The following NKD2 variants were observed in gnomAD, a reference collection of about 807,000 sequenced individuals.
NKD2 encodes the protein protein naked cuticle homolog 2.
NKD2 carries 43 observed loss-of-function variants against 34.8 expected under a neutral mutation model. The ratio of observed to expected loss-of-function variants is 1.24; its 90% CI spans 0.97 to 1.60. The LOEUF (loss-of-function observed/expected upper bound fraction) is 1.60. Ranked by LOEUF, NKD2 falls within the 40% of genes most tolerant of loss-of-function variation. The pLI is 0.00. For missense variants in NKD2, 675 were observed against 627.1 expected, an observed-to-expected ratio of 1.08 and a Z score of -0.82; for synonymous variants, 278 against 265.1, an observed-to-expected ratio of 1.05 and a Z score of -0.47.
At chr5:1,036,888 G>A (rs1561001783) in intron 9 of NKD2, 1 of 445,612 alleles carries the variant, frequency 2.2e-6, no homozygotes, top group Admixed American at 2.4e-5. Flanking sequence ...AGTGTGGATG[G>A]CGGGCAGTGT....
Position 1,037,870 on chromosome 5 carries a change from C to A in NKD2, c.853C>A (p.Arg285Ser). 1 of 1,603,214 alleles carries A rather than the reference C, an allele frequency of 6.2e-7. No individual in the cohort carries two copies. The highest frequency in any genetic ancestry group is 8.5e-7 in the Non-Finnish European group (1 of 1,178,408). Residue 285 changes from arginine to serine, a missense_variant, in exon 10 of 10, where the codon CGC becomes AGC. Physicochemically the swap from Arg to Ser is moderately radical, Grantham distance 110 (BLOSUM62 -1). Transcript: ENST00000296849. Reference sequence around the variant, plus strand: ...GGCCTCGCACCTCCAGGCCCGGTCCCGCTCCCAGGAGCCAGATACACATGC... The same window carrying A: ...GGCCTCGCACCTCCAGGCCCGGTCCAGCTCCCAGGAGCCAGATACACATGC... ...GRASHLQARS[R>S]SQEPDTHAVH... is the part of the protein sequence containing the mutation.
In NKD2 at chr5:1,037,885, G is replaced by A; in HGVS notation, c.868G>A (p.Asp290Asn). 6.2e-7 allele frequency: 1 copy of A among 1,605,502 alleles called. No individual in the cohort carries two copies. Among genetic ancestry groups the A allele is most frequent in the Non-Finnish European group, 8.5e-7 (1 of 1,179,210 alleles). The part of the protein sequence containing the change: ...LQARSRSQEP[D>N]THAVHHRRSQ... Reference sequence around the variant, plus strand: ...GGCCCGGTCCCGCTCCCAGGAGCCAGATACACATGCCGTACACCACCGCAG... The same window carrying A: ...GGCCCGGTCCCGCTCCCAGGAGCCAAATACACATGCCGTACACCACCGCAG... The change falls in exon 10 of 10, where the codon GAT (aspartate) becomes AAT (asparagine). Residue 290 changes from aspartate to asparagine, a missense_variant. Transcript: ENST00000296849.
intron 9 of NKD2, chr5:1,037,461 G>A (rs556796206): frequency 1.5e-5 from 22 of 1,462,884 alleles, no homozygotes; most frequent in East Asian, 7.4e-5. Context: ...TAGGGGATGC[G>A]AATCCTGGGG....
At position 1,038,040 on chromosome 5, in the gene NKD2, T is replaced by G; in HGVS notation, c.1023T>G (p.Pro341=). 6.2e-7 allele frequency: 1 copy of G among 1,609,312 alleles called. No individual in the cohort carries two copies. Among genetic ancestry groups the G allele is most frequent in the Non-Finnish European group, 8.5e-7 (1 of 1,179,188 alleles). ...CCCCCAAGGGCTCCGGGAAGCCGCCTGGGGTGCCAGCCAGCAGCAAGTCCG... is the reference window on the plus strand; with the variant it reads ...CCCCCAAGGGCTCCGGGAAGCCGCCGGGGGTGCCAGCCAGCAGCAAGTCCG... The part of the protein sequence containing the change: ...LKSPKGSGKP[P]GVPASSKSGK... The change falls in exon 10 of 10, where the codon CCT becomes CCG. Residue 341 remains proline, a synonymous_variant. Transcript: ENST00000296849. This position sits in a 1 kb window ranked among gnomAD's most constrained non-coding sequence, Gnocchi z 4.5.
At position 1,037,948 on chromosome 5, in the gene NKD2, G is replaced by C. The variant is rs368254492; in HGVS notation, c.931G>C (p.Glu311Gln). Residue 311 changes from glutamate to glutamine, a missense_variant, in exon 10 of 10, where the codon GAG becomes CAG. Physicochemically the swap from Glu to Gln is conservative, Grantham distance 29 (BLOSUM62 2). Transcript: ENST00000296849. ...VLVEHVVPAS[E>Q]PAARALDTQP... ...GGTGGAACACGTCGTGCCAGCCTCG[G>C]AGCCTGCTGCCCGGGCCCTGGACAC... The C allele has an allele frequency of 1.3e-5, 21 of 1,606,542 alleles. No homozygotes were observed. In the African/African-American group the frequency reaches 2.5e-4, roughly 19 times the overall value.
intron 7 of NKD2, 133 bp downstream of exon 7, chr5:1,035,036 A>G (rs567387220): frequency 2.5e-6 from 2 of 809,292 alleles, no homozygotes; most frequent in Non-Finnish European, 1.9e-6. Flanking sequence ...GAGTGAGTGA[A>G]TGAGTAAGTG....
chr5:1,036,506 C>T (rs1372671223), intron 9 of NKD2, 122 bp downstream of exon 9: 3 of 602,894 alleles, frequency 5.0e-6, no homozygotes, highest in Non-Finnish European at 8.1e-6. Context: ...CCCCCCAACC[C>T]CCCCCACCCC....
Position 1,038,577 on chromosome 5 carries a change from T to C in NKD2, c.*204T>C, listed in dbSNP as rs1579282203. On this transcript the variant is annotated 3_prime_UTR_variant, in exon 10 of 10. Coordinates refer to ENST00000296849, the MANE Select transcript of NKD2 (RefSeq NM_033120.4). The surrounding 1 kb of genome is among the most constrained non-coding windows in gnomAD (Gnocchi z 4.5). The stretch of plus-strand genomic sequence containing the variant: ...TGGACAAGGCCCAGGCGCCCTCTGC[T>C]CTTCTGCCCTCGATGCCACATGGCG... 9.9e-7 allele frequency: 1 copy of C among 1,007,406 alleles called. No homozygotes were observed. The highest frequency in any genetic ancestry group is 1.5e-6 in the Non-Finnish European group (1 of 667,794). 62.4% of individuals were successfully genotyped at this position (1,007,406 alleles called of 1,614,324 possible).
chr5:1,038,286 C>T lies in NKD2; in HGVS notation c.1269C>T (p.Tyr423=), dbSNP rs745385638. The part of the protein sequence containing the change: ...DLPPTPAGEG[Y]AVPVIQRHEH... ...CGCCCACGCCAGCAGGAGAGGGCTA[C>T]GCGGTGCCAGTGATCCAGCGGCACG... Residue 423 remains tyrosine, a synonymous_variant, in exon 10 of 10, where the codon TAC becomes TAT. Coordinates refer to ENST00000296849, the MANE Select transcript of NKD2 (RefSeq NM_033120.4). This position sits in a 1 kb window ranked among gnomAD's most constrained non-coding sequence, Gnocchi z 4.5. 44 of 1,560,660 alleles carry T rather than the reference C, an allele frequency of 2.8e-5. 1 individual carries two copies. The highest frequency in any genetic ancestry group is 1.8e-4 in the Middle Eastern group (1 of 5,444).
At chr5:1,027,268 G>GGT (rs1303356270) in intron 3 of NKD2, among the ~76,000 whole-genome samples, 7 of 152,242 alleles carry the variant, frequency 4.6e-5, no homozygotes, top group Non-Finnish European at 1.0e-4. Context: ...CAGCCTGGGA[G>GGT]GTGCCTATGG....
chr5:1,012,638 A>G (rs1755797993), intron 3 of NKD2, among the ~76,000 whole-genome samples: 1 of 152,248 alleles, frequency 6.6e-6, no homozygotes, highest in South Asian at 2.1e-4. Flanking sequence ...TGCCCTCAGC[A>G]TGGCCTTGCT....
At chr5:1,037,358 T>A (rs1734036533) in intron 9 of NKD2, among the ~76,000 whole-genome samples, 1 of 152,122 alleles carries the variant, frequency 6.6e-6, no homozygotes, top group African/African-American at 2.4e-5. Flanking sequence ...TTGGCCGCGC[T>A]CTGCACAGGA....
At position 1,038,350 on chromosome 5, in the gene NKD2, C is replaced by T. The variant is rs1419623815; in HGVS notation, c.1333C>T (p.His445Tyr). 6.5e-7 allele frequency: 1 copy of T among 1,536,026 alleles called. No individual in the cohort carries two copies. Among genetic ancestry groups the T allele is most frequent in the East Asian group, 2.4e-5 (1 of 40,866 alleles). Residue 445 changes from histidine to tyrosine, a missense_variant, in exon 10 of 10, where the codon CAC becomes TAC. His to Tyr is a moderately conservative substitution (Grantham distance 83). Coordinates refer to ENST00000296849, the MANE Select transcript of NKD2 (RefSeq NM_033120.4). The surrounding 1 kb of genome is among the most constrained non-coding windows in gnomAD (Gnocchi z 4.5). Reference protein sequence around the residue: ...HHHEHHHHHHHHHFHPS With the variant: ...HHHEHHHHHHYHHFHPS Reference sequence around the variant, plus strand: ...CCACGAGCACCACCACCACCACCACCACCACCACTTCCACCCGTCCTAGCG... The same window carrying T: ...CCACGAGCACCACCACCACCACCACTACCACCACTTCCACCCGTCCTAGCG...
At chr5:1,013,727 CTGCCGG>C (rs909374483) in intron 3 of NKD2, among the ~76,000 whole-genome samples, 2 of 152,256 alleles carry the variant, frequency 1.3e-5, no homozygotes, top group Admixed American at 1.3e-4. Flanking sequence ...GGAGAGGCTG[CTGCCGG>C]TGCCTGGCCA....
At position 1,029,342 on chromosome 5, in the gene NKD2, G is replaced by A. The variant is rs372488056; in HGVS notation, c.142-2810G>A. Among the ~76,000 whole-genome samples the A allele has an allele frequency of 5.3e-5, 8 of 152,308 alleles. No individual in the cohort carries two copies. In the South Asian group the frequency reaches 6.2e-4, roughly 12 times the overall value. On this transcript the variant is annotated intron_variant, in intron 3 of 9. Transcript: ENST00000296849. ...TGTAGTATTGGCTGGTTGATACAGC[G>A]TTGGCTGGTTGGTGCAGCGTTGGCT...
chr5:1,030,871 G>A (rs902097921), intron 3 of NKD2, among the ~76,000 whole-genome samples: 1 of 152,230 alleles, frequency 6.6e-6, no homozygotes, highest in African/African-American at 2.4e-5. Context: ...GGAGACCTCA[G>A]CTCTGGGGGG....
At position 1,036,290 on chromosome 5, in the gene NKD2, G is replaced by C. The variant is rs1329679408; in HGVS notation, c.693G>C (p.Glu231Asp). 1 of 1,612,198 alleles carries C rather than the reference G, an allele frequency of 6.2e-7. No individual in the cohort carries two copies. The highest frequency in any genetic ancestry group is 1.7e-5 in the Admixed American group (1 of 59,962). The change falls in exon 9 of 10, where the codon GAG becomes GAC. Residue 231 changes from glutamate to aspartate, a missense_variant. Transcript: ENST00000296849. The part of the protein sequence containing the change: ...RPSTDPQPCS[E>D]RGPYCVDENT... Reference sequence around the variant, plus strand: ...GTACTGACCCCCAGCCCTGCTCGGAGCGGGGGCCCTACTGCGTGGACGAGA... The same window carrying C: ...GTACTGACCCCCAGCCCTGCTCGGACCGGGGGCCCTACTGCGTGGACGAGA...
intron 3 of NKD2, among the ~76,000 whole-genome samples, chr5:1,016,830 A>G (rs1192543319): frequency 6.6e-6 from 1 of 152,068 alleles, no homozygotes; most frequent in African/African-American, 2.4e-5. Context: ...CCTCCTTTCC[A>G]CAAAGGATAA....
chr5:1,028,575 G>T (rs972028571), intron 3 of NKD2, among the ~76,000 whole-genome samples: 2 of 152,260 alleles, frequency 1.3e-5, no homozygotes, highest in Admixed American at 1.3e-4. Context: ...TGCCATGGGC[G>T]GGAGGGGACA....
Sources: gnomAD v4.1 joint callset for allele counts (sites outside exome capture counted in the v4.1 genomes callset) on GRCh38, gnomAD v4.1.1 for gene constraint, Gnocchi (gnomAD v3.1) non-coding constraint, MANE v1.5 for transcripts, NCBI Gene and HGNC (gene_info 2026-07-23, HGNC 2026-07-21) for gene names.